Variants in LHFPL6 observed in about 807,000 individuals in gnomAD.
LHFPL6 encodes LHFPL tetraspan subfamily member 6.
A neutral mutation model predicts 20.6 loss-of-function variants in LHFPL6; 9 were observed. The observed-to-expected ratio is 0.44, with a 90% CI of 0.26 to 0.76. LHFPL6 has a LOEUF of 0.76. LHFPL6 is among the 30% of genes least tolerant of loss of function. LHFPL6 has a pLI of 0.20. For missense variants in LHFPL6, 218 were observed against 253.5 expected, an observed-to-expected ratio of 0.86 and a Z score of 0.95; for synonymous variants, 105 against 98.7, an observed-to-expected ratio of 1.06 and a Z score of -0.38.
At chr13:39,372,526 C>G (rs191230440) in intron 3 of LHFPL6, among the ~76,000 whole-genome samples, 45 of 152,308 alleles carry the variant, frequency 3.0e-4, no homozygotes, top group Admixed American at 5.2e-4. Context: ...CTCCTTGCTT[C>G]TTCATAAATT....
At chr13:39,541,180 C>T (rs901248693) in intron 2 of LHFPL6, among the ~76,000 whole-genome samples, 5 of 152,200 alleles carry the variant, frequency 3.3e-5, no homozygotes, top group African/African-American at 1.2e-4. Flanking sequence ...AAAACATCCT[C>T]CATCTCTCCA....
intron 2 of LHFPL6, among the ~76,000 whole-genome samples, chr13:39,513,213 T>C (rs1285697648): frequency 6.6e-6 from 1 of 152,214 alleles, no homozygotes; most frequent in Non-Finnish European, 1.5e-5. Flanking sequence ...AAGAACTGTT[T>C]TAGTTGTTCT....
chr13:39,536,867 C>A (rs943035628), intron 2 of LHFPL6, among the ~76,000 whole-genome samples: 1 of 152,200 alleles, frequency 6.6e-6, no homozygotes, highest in Non-Finnish European at 1.5e-5. Context: ...TTTAAGCAGT[C>A]ATTTTTCCTA....
At chr13:39,523,030 CTT>C (rs1234099061) in intron 2 of LHFPL6, among the ~76,000 whole-genome samples, 1 of 152,068 alleles carries the variant, frequency 6.6e-6, no homozygotes, top group East Asian at 1.9e-4. Flanking sequence ...ACTCAAAAGT[CTT>C]TGTAGGAAAA....
intron 2 of LHFPL6, among the ~76,000 whole-genome samples, chr13:39,518,907 A>G (rs1456396255): frequency 2.0e-5 from 3 of 152,246 alleles, no homozygotes; most frequent in Non-Finnish European, 4.4e-5. Context: ...GAATGAGTTA[A>G]TAAGCCAGAT....
At chr13:39,389,677 C>T (rs1382028642) in intron 2 of LHFPL6, among the ~76,000 whole-genome samples, 1 of 152,096 alleles carries the variant, frequency 6.6e-6, no homozygotes, top group Non-Finnish European at 1.5e-5. Flanking sequence ...CAGACAGTGG[C>T]ATGTTATGTT....
chr13:39,497,497 G>A (rs1869141170), intron 2 of LHFPL6, among the ~76,000 whole-genome samples: 1 of 152,184 alleles, frequency 6.6e-6, no homozygotes, highest in South Asian at 2.1e-4. Flanking sequence ...GGAAGAAGAT[G>A]CCACTCCTTA....
chr13:39,410,821 C>T (rs1264888845), intron 2 of LHFPL6, among the ~76,000 whole-genome samples: 4 of 152,064 alleles, frequency 2.6e-5, no homozygotes, highest in African/African-American at 7.2e-5. Context: ...CTTCCTTTTC[C>T]GAAGGTTATT....
At chr13:39,503,537 A>C (rs1301858731) in intron 2 of LHFPL6, among the ~76,000 whole-genome samples, 1 of 152,140 alleles carries the variant, frequency 6.6e-6, no homozygotes, top group Non-Finnish European at 1.5e-5. Context: ...TGTGCTAATT[A>C]TTATTTATCT....
intron 2 of LHFPL6, among the ~76,000 whole-genome samples, chr13:39,419,110 G>C (rs138477555): frequency 9.9e-4 from 150 of 152,258 alleles, no homozygotes; most frequent in African/African-American, 3.4e-3. Context: ...AATGTGGGCT[G>C]TACCAGTCCA....
intron 2 of LHFPL6, among the ~76,000 whole-genome samples, chr13:39,470,679 A>G (rs1872921066): frequency 6.6e-6 from 1 of 152,216 alleles, no homozygotes; most frequent in African/African-American, 2.4e-5. Context: ...AATAACATAG[A>G]CAAACATGTA....
chr13:39,557,635 T>C (rs903959863), intron 2 of LHFPL6, among the ~76,000 whole-genome samples: 4 of 152,250 alleles, frequency 2.6e-5, no homozygotes, highest in Non-Finnish European at 5.9e-5. Flanking sequence ...ACATGAGATC[T>C]GTGGGGGCCA....
At chr13:39,533,290 A>G (rs1219922421) in intron 2 of LHFPL6, among the ~76,000 whole-genome samples, 4 of 152,188 alleles carry the variant, frequency 2.6e-5, no homozygotes, top group Non-Finnish European at 5.9e-5. Flanking sequence ...TAAATGAGAC[A>G]ATAGTTTATT....
At chr13:39,350,708 G>A (rs917496756) in intron 3 of LHFPL6, among the ~76,000 whole-genome samples, 6 of 152,186 alleles carry the variant, frequency 3.9e-5, no homozygotes, top group Admixed American at 3.9e-4. Flanking sequence ...TTGCTTGGTT[G>A]GCAAATTACT....
intron 2 of LHFPL6, among the ~76,000 whole-genome samples, chr13:39,395,663 C>T (rs1485724050): frequency 6.6e-6 from 1 of 152,162 alleles, no homozygotes. Context: ...CTGTGCTGCT[C>T]AGCAGGTAGG....
intron 2 of LHFPL6, among the ~76,000 whole-genome samples, chr13:39,435,645 A>G (rs542789196): frequency 1.3e-4 from 20 of 152,340 alleles, no homozygotes; most frequent in African/African-American, 4.8e-4. Flanking sequence ...ATATGTATAT[A>G]CTACATACAT....
chr13:39,536,512 C>T (rs1421036947), intron 2 of LHFPL6, among the ~76,000 whole-genome samples: 3 of 152,212 alleles, frequency 2.0e-5, no homozygotes, highest in Admixed American at 6.5e-5. Context: ...TCTCCTAACG[C>T]GCAGCTCCTG....
intron 2 of LHFPL6, among the ~76,000 whole-genome samples, chr13:39,570,404 A>G (rs1172859556): frequency 6.6e-6 from 1 of 152,142 alleles, no homozygotes. Flanking sequence ...TTGCTGTCCC[A>G]AAGTGCTGAG....
At chr13:39,391,130 T>C (rs1870699431) in intron 2 of LHFPL6, among the ~76,000 whole-genome samples, 1 of 152,254 alleles carries the variant, frequency 6.6e-6, no homozygotes, top group African/African-American at 2.4e-5. Context: ...CTTCAAGTCC[T>C]AGATACTCTG....
Sources: gnomAD v4.1 joint callset for allele counts (sites outside exome capture counted in the v4.1 genomes callset) on GRCh38, gnomAD v4.1.1 for gene constraint, MANE v1.5 for transcripts, NCBI Gene and HGNC (gene_info 2026-07-23, HGNC 2026-07-21) for gene names.